The following VPS13B variants were observed in gnomAD, a reference collection of about 807,000 sequenced individuals.
The protein encoded by VPS13B is intermembrane lipid transfer protein VPS13B.
In VPS13B, 285 loss-of-function variants were observed where a neutral mutation model predicts 426.4. The ratio of observed to expected loss-of-function variants is 0.67; its 90% CI spans 0.61 to 0.74. VPS13B has a LOEUF of 0.74. Ranked by LOEUF, VPS13B falls within the 30% of genes least tolerant of loss-of-function variation. VPS13B has a pLI of 0.00. For missense variants in VPS13B, 4,537 were observed against 4,782.6 expected, an observed-to-expected ratio of 0.95 and a Z score of 1.51; for synonymous variants, 1,676 against 1,676.4, an observed-to-expected ratio of 1.00 and a Z score of 0.01.
chr8:99,783,507 T>G (rs542185227), intron 42 of VPS13B, among the ~76,000 whole-genome samples: 1 of 152,162 alleles, frequency 6.6e-6, no homozygotes, highest in Non-Finnish European at 1.5e-5. Flanking sequence ...GGAAATACTT[T>G]ATTACTTTGC....
intron 19 of VPS13B, among the ~76,000 whole-genome samples, chr8:99,326,452 C>CTTTTTTTTT (rs747097247): frequency 0.092 from 2,980 of 32,502 alleles, 1,154 homozygotes; most frequent in South Asian, 0.16. Flanking sequence ...CTCTAGGTAG[C>CTTTTTTTTT]TTTTTTTTTT....
chr8:99,182,981 C>T lies in VPS13B; in HGVS notation c.2334-9895C>T, dbSNP rs557201260. Among the ~76,000 whole-genome samples, 17 of 152,232 alleles carry T rather than the reference C, an allele frequency of 1.1e-4. No individual in the cohort carries two copies. The Middle Eastern group carries it at 0.014, about 122-fold the overall frequency. On this transcript the variant is annotated intron_variant, in intron 16 of 61. Transcript: ENST00000357162. ...CTTGAACTCCTGACCTCAGGTGATC[C>T]GCCTACCTCGGCCTCCCAAAGTGCT...
intron 32 of VPS13B, among the ~76,000 whole-genome samples, chr8:99,576,216 T>G (rs951261745): frequency 2.5e-4 from 38 of 152,222 alleles, no homozygotes; most frequent in Admixed American, 2.3e-3. Context: ...TTATCCTTGT[T>G]TTTATATTAT....
At chr8:99,271,203 CTA>C (rs1818577482) in intron 17 of VPS13B, among the ~76,000 whole-genome samples, 1 of 109,482 alleles carries the variant, frequency 9.1e-6, no homozygotes, top group African/African-American at 3.0e-5. Context: ...CTAACTACTA[CTA>C]CTACTACTAC....
intron 31 of VPS13B, among the ~76,000 whole-genome samples, chr8:99,557,383 G>A (rs1047398101): frequency 6.6e-6 from 1 of 151,544 alleles, no homozygotes; most frequent in Non-Finnish European, 1.5e-5. Flanking sequence ...TTATAAGTGA[G>A]AATATATGAT....
intron 31 of VPS13B, among the ~76,000 whole-genome samples, chr8:99,572,815 C>A (rs909755014): frequency 4.3e-4 from 66 of 152,102 alleles, no homozygotes; most frequent in African/African-American, 1.5e-3. Context: ...TGGGTATATA[C>A]CCAGTAATGG....
chr8:99,051,266 G>A (rs190791961), intron 3 of VPS13B, among the ~76,000 whole-genome samples: 1 of 152,216 alleles, frequency 6.6e-6, no homozygotes, highest in South Asian at 2.1e-4. Context: ...AGTTTTCCCA[G>A]CACCATTTAT....
intron 16 of VPS13B, among the ~76,000 whole-genome samples, chr8:99,176,309 G>A (rs1051438855): frequency 5.9e-5 from 9 of 152,020 alleles, no homozygotes; most frequent in African/African-American, 1.9e-4. Context: ...GCTAATTTTT[G>A]TATTTTTAGT....
At chr8:99,677,899 A>G (rs1338205901) in intron 35 of VPS13B, among the ~76,000 whole-genome samples, 1 of 152,138 alleles carries the variant, frequency 6.6e-6, no homozygotes, top group Non-Finnish European at 1.5e-5. Context: ...TAACTTTCCA[A>G]CTTTCTGCCT....
chr8:99,326,088 A>G (rs1291802620), intron 19 of VPS13B, among the ~76,000 whole-genome samples: 1 of 152,108 alleles, frequency 6.6e-6, no homozygotes, highest in African/African-American at 2.4e-5. Context: ...CCTTCTTGGC[A>G]ATTTCTTATT....
At chr8:99,124,323 T>C (rs1181488609) in intron 8 of VPS13B, among the ~76,000 whole-genome samples, 1 of 152,196 alleles carries the variant, frequency 6.6e-6, no homozygotes, top group Non-Finnish European at 1.5e-5. Flanking sequence ...CTGGTAGAAA[T>C]GTAAAATAGT....
At chr8:99,062,774 G>A (rs907316106) in intron 3 of VPS13B, among the ~76,000 whole-genome samples, 1 of 152,048 alleles carries the variant, frequency 6.6e-6, no homozygotes, top group African/African-American at 2.4e-5. Context: ...TGGCCTATGT[G>A]TTTAATTTTT....
At chr8:99,814,570 CT>C (rs1005952351) in intron 44 of VPS13B, among the ~76,000 whole-genome samples, 1 of 152,244 alleles carries the variant, frequency 6.6e-6, no homozygotes, top group African/African-American at 2.4e-5. Flanking sequence ...TTCCTAGAGC[CT>C]TTTACCAGTC....
chr8:99,365,014 A>G (rs1812774998), intron 19 of VPS13B, among the ~76,000 whole-genome samples: 1 of 152,152 alleles, frequency 6.6e-6, no homozygotes, highest in Non-Finnish European at 1.5e-5. Flanking sequence ...GGTAGGTTAC[A>G]TGTAACAAGG....
intron 40 of VPS13B, among the ~76,000 whole-genome samples, chr8:99,771,098 G>T (rs1811464942): frequency 1.3e-5 from 2 of 152,106 alleles, no homozygotes; most frequent in South Asian, 4.2e-4. Context: ...ACTTATTTTG[G>T]CTGTGGAAAG....
intron 17 of VPS13B, among the ~76,000 whole-genome samples, chr8:99,213,651 C>T (rs576816211): frequency 2.0e-5 from 3 of 152,106 alleles, no homozygotes; most frequent in Non-Finnish European, 4.4e-5. Context: ...GTCTATGAAC[C>T]TCTGTTGGTA....
intron 17 of VPS13B, among the ~76,000 whole-genome samples, chr8:99,221,359 G>T (rs569145642): frequency 1.3e-5 from 2 of 151,966 alleles, no homozygotes; most frequent in East Asian, 3.9e-4. Flanking sequence ...CTGAGGAATC[G>T]CCACACTGAC....
At position 99,445,964 on chromosome 8, in the gene VPS13B, G is replaced by A. The variant is rs181823514; in HGVS notation, c.3445+3329G>A. On this transcript the variant is annotated intron_variant, in intron 23 of 61. Coordinates refer to ENST00000357162, the MANE Select transcript of VPS13B (RefSeq NM_152564.5). ...GTTTCTGTTTTCACTACCCAACCAT[G>A]CTTTATAGTGCAGAGACAGCCATAG... is the stretch of plus-strand genomic sequence containing the variant. Among the ~76,000 whole-genome samples the A allele has an allele frequency of 1.6e-4, 24 of 152,272 alleles. No homozygotes were observed. In the East Asian group the frequency reaches 3.9e-3, roughly 24 times the overall value.
chr8:99,029,093 C>G (rs1477878608), intron 2 of VPS13B, among the ~76,000 whole-genome samples: 6 of 148,902 alleles, frequency 4.0e-5, no homozygotes, highest in Admixed American at 6.7e-5. Flanking sequence ...TCCTCACCTC[C>G]CAGACAGGGT....
Sources: allele counts gnomAD v4.1 joint callset (sites outside exome capture counted in the v4.1 genomes callset), GRCh38; gene constraint gnomAD v4.1.1; transcripts MANE v1.5; gene names NCBI Gene and HGNC (gene_info 2026-07-23, HGNC 2026-07-21).